Variants in MYO18B observed in about 807,000 individuals in gnomAD.
The protein encoded by MYO18B is unconventional myosin-XVIIIb.
Under a neutral mutation model 273.0 loss-of-function variants are expected in MYO18B, and 204 were observed. The observed-to-expected ratio is 0.75, with a 90% CI of 0.67 to 0.84. MYO18B has a LOEUF of 0.84. Ranked by LOEUF, MYO18B falls within the 40% of genes least tolerant of loss-of-function variation. The pLI, the probability that MYO18B is intolerant of heterozygous loss-of-function variation, is 0.00. For missense variants in MYO18B, 3,212 were observed against 3,287.6 expected (o/e 0.98, Z 0.56); for synonymous variants, 1,330 against 1,305.7 (o/e 1.02, Z -0.40).
At chr22:25,970,114 C>T (rs1395000161) in intron 39 of MYO18B, among the ~76,000 whole-genome samples, 2 of 152,076 alleles carry the variant, frequency 1.3e-5, no homozygotes, top group African/African-American at 4.8e-5. Context: ...ATCATCATCA[C>T]CATCACCATC....
chr22:26,000,673 A>G (rs1287177693), intron 40 of MYO18B, among the ~76,000 whole-genome samples: 1 of 150,794 alleles, frequency 6.6e-6, no homozygotes, highest in East Asian at 1.9e-4. Flanking sequence ...ATTTGTTCGT[A>G]CAATAAACGT....
At chr22:25,864,457 T>C (rs1195023540) in intron 21 of MYO18B, among the ~76,000 whole-genome samples, 1 of 152,178 alleles carries the variant, frequency 6.6e-6, no homozygotes, top group Non-Finnish European at 1.5e-5. Context: ...CACTACATCC[T>C]TGTGGGACAG....
intron 3 of MYO18B, 93 bp downstream of exon 3, chr22:25,763,482 T>G (rs2086401635): frequency 2.1e-6 from 3 of 1,416,986 alleles, no homozygotes; most frequent in Non-Finnish European, 1.9e-6. Flanking sequence ...ATCCTGCCTT[T>G]GCTCCTGCTG....
At chr22:25,839,128 T>A (rs1232834015) in intron 17 of MYO18B, among the ~76,000 whole-genome samples, 1 of 90,778 alleles carries the variant, frequency 1.1e-5, no homozygotes, top group South Asian at 3.7e-4. Context: ...GTATGAGTGT[T>A]TGTGTATATG....
At chr22:25,753,534 C>T (rs2086012054) in intron 1 of MYO18B, among the ~76,000 whole-genome samples, 1 of 152,174 alleles carries the variant, frequency 6.6e-6, no homozygotes. Context: ...GGTCTCCTTC[C>T]GCGTTGTGGG....
At chr22:25,755,171 C>T (rs2086072872) in intron 1 of MYO18B, among the ~76,000 whole-genome samples, 1 of 152,254 alleles carries the variant, frequency 6.6e-6, no homozygotes, top group East Asian at 1.9e-4. Context: ...CTTTTGTCCA[C>T]CCTCCCAGCT....
At chr22:25,983,861 TC>T (rs2093173585) in intron 39 of MYO18B, among the ~76,000 whole-genome samples, 1 of 152,234 alleles carries the variant, frequency 6.6e-6, no homozygotes, top group Non-Finnish European at 1.5e-5. Context: ...ATGGCCCAAC[TC>T]CTTGGCTTTT....
chr22:25,816,971 C>T (rs80336312), intron 12 of MYO18B, among the ~76,000 whole-genome samples: 2,505 of 152,276 alleles, frequency 0.016, 53 homozygotes, highest in African/African-American at 0.057. Flanking sequence ...AACAGCACAG[C>T]TATTGTTGGA....
At chr22:25,850,165 C>T (rs5752232) in intron 20 of MYO18B, among the ~76,000 whole-genome samples, 1 of 151,982 alleles carries the variant, frequency 6.6e-6, no homozygotes, top group East Asian at 1.9e-4. Context: ...GCTGTTCTTC[C>T]TAGTTGATGC....
chr22:25,798,222 TC>T (rs2088017037), intron 12 of MYO18B, 125 bp downstream of exon 12: 10 of 1,279,476 alleles, frequency 7.8e-6, no homozygotes, highest in Non-Finnish European at 1.0e-5. Context: ...CTCTGGGACT[TC>T]CCTTGGGGAG....
chr22:25,917,962 G>T (rs2092287719), intron 33 of MYO18B, among the ~76,000 whole-genome samples: 1 of 152,138 alleles, frequency 6.6e-6, no homozygotes, highest in African/African-American at 2.4e-5. Context: ...AAAGAAGTGA[G>T]GCTCGGAAAA....
Position 25,955,422 on chromosome 22 carries a change from C to T in MYO18B, c.6156+58C>T. The T allele has an allele frequency of 2.6e-6, 4 of 1,521,950 alleles. No homozygotes were observed. In the South Asian group the frequency reaches 5.1e-5, roughly 19 times the overall value. 94.3% of individuals were successfully genotyped at this position (1,521,950 alleles called of 1,614,324 possible). ...ACTGAGGGTTTGCAATGTGGTAGAC[C>T]CCCCTTTCTTAAGACTTCTGAATGG... On this transcript the variant is annotated intron_variant, in intron 39 of 43. Transcript: ENST00000335473.
chr22:25,886,108 C>T (rs2091491167), intron 25 of MYO18B, among the ~76,000 whole-genome samples: 1 of 152,226 alleles, frequency 6.6e-6, no homozygotes. Context: ...CTCAGTTTCC[C>T]CATCTGCCAC....
intron 3 of MYO18B, 52 bp downstream of exon 3, chr22:25,763,441 T>C: frequency 6.4e-7 from 1 of 1,564,862 alleles, no homozygotes; most frequent in South Asian, 1.2e-5. Flanking sequence ...CCCATCATTC[T>C]GTCTTGTGAG....
At chr22:26,035,090 A>G (rs1480655898), downstream of MYO18B, among the ~76,000 whole-genome samples, 2 of 152,218 alleles carry the variant, frequency 1.3e-5, no homozygotes, top group Non-Finnish European at 2.9e-5. Flanking sequence ...CTGTGTCTGC[A>G]TGATATTTTG....
chr22:25,870,194 AT>A (rs1355492247), intron 22 of MYO18B, among the ~76,000 whole-genome samples: 1 of 152,182 alleles, frequency 6.6e-6, no homozygotes, highest in Non-Finnish European at 1.5e-5. Context: ...TTGTTTATGA[AT>A]GGAAATGCAG....
intron 39 of MYO18B, among the ~76,000 whole-genome samples, chr22:25,964,456 C>A (rs927492450): frequency 1.3e-5 from 2 of 152,132 alleles, no homozygotes; most frequent in Non-Finnish European, 2.9e-5. Context: ...TTTACGTGTT[C>A]AAGTACAATT....
chr22:25,911,938 C>T (rs1009397061), intron 33 of MYO18B, among the ~76,000 whole-genome samples: 3 of 152,130 alleles, frequency 2.0e-5, no homozygotes, highest in African/African-American at 7.2e-5. Flanking sequence ...ATGCCTGTGG[C>T]TTCTATGATT....
At chr22:26,034,077 G>A (rs922994690), downstream of MYO18B, among the ~76,000 whole-genome samples, 4 of 151,932 alleles carry the variant, frequency 2.6e-5, no homozygotes, top group African/African-American at 9.7e-5. Context: ...CTTAGCCTTC[G>A]TAGTAGCTGG....
Sources: gnomAD v4.1 joint callset for allele counts (sites outside exome capture counted in the v4.1 genomes callset) on GRCh38, gnomAD v4.1.1 for gene constraint, MANE v1.5 for transcripts, NCBI Gene and HGNC (gene_info 2026-07-23, HGNC 2026-07-21) for gene names.